The following INPP5B variants were observed in gnomAD, a reference collection of about 807,000 sequenced individuals.
INPP5B encodes inositol polyphosphate-5-phosphatase B.
INPP5B carries 90 observed loss-of-function variants against 118.5 expected under a neutral mutation model. The observed-to-expected ratio is 0.76, with a 90% CI of 0.64 to 0.90. The LOEUF is 0.90. INPP5B is among the 40% of genes least tolerant of loss of function. The pLI, the probability that INPP5B is intolerant of heterozygous loss-of-function variation, is 0.00. For synonymous variants in INPP5B, 385 were observed against 418.9 expected (o/e 0.92, Z 0.99); for missense variants, 984 against 1,125.6 (o/e 0.87, Z 1.80).
Position 37,861,743 on chromosome 1 carries a change from A to C in INPP5B, c.*572T>G, listed in dbSNP as rs1166818135. Reference sequence around the variant, plus strand: ...GAAACTCCATCTCAAAAAAGAAAAAAAAAAAAAAAAGGCCGGGCGTGGTGG... The same window carrying C: ...GAAACTCCATCTCAAAAAAGAAAAACAAAAAAAAAAGGCCGGGCGTGGTGG... On this transcript the variant is annotated 3_prime_UTR_variant, in exon 24 of 24. Coordinates refer to ENST00000373024, the MANE Select transcript of INPP5B (RefSeq NM_005540.3). 2 of 152,060 alleles carry C rather than the reference A, an allele frequency of 1.3e-5. No homozygotes were observed. Among genetic ancestry groups the C allele is most frequent in the Non-Finnish European group, 2.9e-5 (2 of 68,496 alleles). 9.4% of individuals were successfully genotyped at this position (152,060 alleles called of 1,614,324 possible).
chr1:37,883,543 T>C, intron 13 of INPP5B: 2 of 985,438 alleles, frequency 2.0e-6, no homozygotes, highest in South Asian at 4.7e-5. Context: ...TTAAGTCTAA[T>C]ACTGCTGTAT....
intron 6 of INPP5B, among the ~76,000 whole-genome samples, chr1:37,934,372 C>T (rs1400544962): frequency 6.6e-6 from 1 of 152,136 alleles, no homozygotes; most frequent in Non-Finnish European, 1.5e-5. Context: ...TGTGCATTGT[C>T]TCGGTATCTA....
chr1:37,942,117 CCT>C (rs1645952075), intron 5 of INPP5B: 1 of 150,036 alleles, frequency 6.7e-6, no homozygotes, highest in South Asian at 2.1e-4. Context: ...ACAGTGATAA[CCT>C]CATAGAGCTG....
At chr1:37,873,203 A>T (rs773261953) in intron 18 of INPP5B, 38 bp from the exon 19 acceptor site, 1 of 1,449,478 alleles carries the variant, frequency 6.9e-7, no homozygotes, top group South Asian at 1.1e-5. Context: ...GGCCGGGGGC[A>T]GGCCAAGAGG....
chr1:37,904,540 G>T (rs1430365158), intron 7 of INPP5B, among the ~76,000 whole-genome samples: 1 of 152,138 alleles, frequency 6.6e-6, no homozygotes, highest in African/African-American at 2.4e-5. Flanking sequence ...TAAAAGTACA[G>T]TAAGTTTTTC....
rs75270283 is a variant in INPP5B, at chr1:37,872,984, C to G, written c.2133G>C (p.Leu711=). ...PSCFGSPIHT[L]CYMREPILDL... is the part of the protein sequence containing the mutation. ...CCAAGATTGGCTCTCTCATGTAACACAGTGTATGAATGGGAGACCCAAAAC... is the reference window on the plus strand; with the variant it reads ...CCAAGATTGGCTCTCTCATGTAACAGAGTGTATGAATGGGAGACCCAAAAC... Residue 711 remains leucine, a synonymous_variant, in exon 19 of 24, where the codon CTG becomes CTC. Transcript: ENST00000373024. 2 of 1,614,138 alleles carry G rather than the reference C, an allele frequency of 1.2e-6. No homozygotes were observed. The highest frequency in any genetic ancestry group is 2.7e-5 in the African/African-American group (2 of 75,024).
rs552374861 is a variant in INPP5B, at chr1:37,943,864, G to A, written c.182C>T (p.Ala61Val). ...CAGAGAGACATCGTCCCCGGTAATG[G>A]CCATCCTCCGGTGCGTATAGAGGAA... is the stretch of plus-strand genomic sequence containing the variant. ...ALFLYTHRRM[A>V]ITGDDVSLDQ... Residue 61 changes from alanine to valine, a missense_variant, in exon 4 of 24, where the codon GCC becomes GTC. Physicochemically the swap from Ala to Val is moderately conservative, Grantham distance 64. Around this residue, in one of 2 missense-constraint regions of INPP5B, gnomAD observed 350 missense variants for 334.6 expected, o/e 1.05. Coordinates refer to ENST00000373024, the MANE Select transcript of INPP5B (RefSeq NM_005540.3). 3.2e-5 allele frequency: 51 copies of A among 1,613,974 alleles called. No homozygotes were observed. In the South Asian group the frequency reaches 5.4e-4, roughly 17 times the overall value.
chr1:37,888,495 G>GCA (rs1309771004), intron 9 of INPP5B, 151 bp from the exon 10 acceptor site: 4 of 478,476 alleles, frequency 8.4e-6, no homozygotes, highest in African/African-American at 8.1e-5. Flanking sequence ...CAGGACTGCA[G>GCA]CACCAAGGAG....
intron 14 of INPP5B, 103 bp from the exon 15 acceptor site, chr1:37,880,297 A>C (rs1643117136): frequency 1.2e-6 from 1 of 829,380 alleles, no homozygotes; most frequent in Non-Finnish European, 1.9e-6. Flanking sequence ...TCTAACCCAA[A>C]GGAAAAAGCC....
rs371116949 is a variant in INPP5B at position 37,946,240 on chromosome 1, C to G, written c.57+12G>C. 5 of 1,608,096 alleles carry G rather than the reference C, an allele frequency of 3.1e-6. No individual in the cohort carries two copies. The highest frequency in any genetic ancestry group is 4.2e-6 in the Non-Finnish European group (5 of 1,177,056). On this transcript the variant is annotated intron_variant, in intron 2 of 23. Coordinates refer to ENST00000373024, the MANE Select transcript of INPP5B (RefSeq NM_005540.3). ...GGCAGGCTCAGGGCCGCAGTTAGCA[C>G]AGGAAGGATATGATGACGCAGTATT...
chr1:37,898,842 G>C (rs999749130), intron 7 of INPP5B, among the ~76,000 whole-genome samples: 1 of 152,090 alleles, frequency 6.6e-6, no homozygotes, highest in Non-Finnish European at 1.5e-5. Flanking sequence ...AAGGGAGTAG[G>C]GGAAAAAGTG....
chr1:37,933,106 A>G (rs927022417), intron 6 of INPP5B, among the ~76,000 whole-genome samples: 3 of 152,218 alleles, frequency 2.0e-5, no homozygotes, highest in Non-Finnish European at 2.9e-5. Flanking sequence ...AGTCCTGACT[A>G]TGGCACTGCC....
intron 7 of INPP5B, among the ~76,000 whole-genome samples, chr1:37,925,213 CAA>C (rs1557704985): frequency 6.6e-6 from 1 of 151,410 alleles, no homozygotes; most frequent in Non-Finnish European, 1.5e-5. Flanking sequence ...TAAATAAAAA[CAA>C]AAAGAGAAAG....
chr1:37,901,403 G>T (rs1395400893), intron 7 of INPP5B, among the ~76,000 whole-genome samples: 1 of 152,118 alleles, frequency 6.6e-6, no homozygotes, highest in Non-Finnish European at 1.5e-5. Flanking sequence ...ATATGGAAAG[G>T]CACCTGCACT....
At chr1:37,875,767 C>G (rs546454172) in intron 16 of INPP5B, 51 bp from the exon 17 acceptor site, 2 of 1,362,036 alleles carry the variant, frequency 1.5e-6, no homozygotes, top group Admixed American at 3.4e-5. Flanking sequence ...CCCATTTCCT[C>G]TTTCTCAGTA....
intron 6 of INPP5B, among the ~76,000 whole-genome samples, chr1:37,938,321 A>T (rs1475204610): frequency 2.0e-5 from 3 of 151,426 alleles, no homozygotes; most frequent in African/African-American, 7.3e-5. Context: ...CATTAAATTT[A>T]AAAAATTTTT....
intron 15 of INPP5B, 108 bp downstream of exon 15, chr1:37,879,977 A>G: frequency 1.7e-6 from 1 of 599,520 alleles, no homozygotes; most frequent in South Asian, 2.4e-5. Flanking sequence ...AAACATAGGG[A>G]AAAAGTCACA....
intron 19 of INPP5B, among the ~76,000 whole-genome samples, chr1:37,869,334 G>T (rs1387006465): frequency 6.6e-6 from 1 of 150,744 alleles, no homozygotes; most frequent in East Asian, 2.0e-4. Context: ...ATTTTGAGGT[G>T]GGGTCTCGCT....
chr1:37,865,782 G>A lies in INPP5B; in HGVS notation c.2493C>T (p.Gly831=). ...TCACCTGTTTGCTTGCTGTGTAGTT[G>A]CCAGAACACTCCAAGCAGTTATGGT... The part of the protein sequence containing the change: ...STYHNCLECS[G]NYTASKQVIS... The change falls in exon 22 of 24, where the codon GGC becomes GGT. Residue 831 remains glycine, a synonymous_variant. Coordinates refer to ENST00000373024, the MANE Select transcript of INPP5B (RefSeq NM_005540.3). 6.2e-7 allele frequency: 1 copy of A among 1,613,410 alleles called. No homozygotes were observed. Among genetic ancestry groups the A allele is most frequent in the Admixed American group, 1.7e-5 (1 of 59,980 alleles).
Sources: gnomAD v4.1 joint callset for allele counts (sites outside exome capture counted in the v4.1 genomes callset) on GRCh38, gnomAD v4.1.1 for gene constraint, gnomAD v4.1.1 regional missense constraint, MANE v1.5 for transcripts, NCBI Gene and HGNC (gene_info 2026-07-23, HGNC 2026-07-21) for gene names.